The following ASTN2 variants were observed in gnomAD, a reference collection of about 807,000 sequenced individuals.
ASTN2 encodes astrotactin-2.
Under a neutral mutation model 139.8 loss-of-function variants are expected in ASTN2, and 54 were observed. The observed-to-expected ratio is 0.39, with a 90% CI of 0.31 to 0.48. ASTN2 has a LOEUF of 0.48. Among genes scored for constraint, ASTN2 ranks in the 20% least tolerant of loss-of-function variants. The pLI is 0.95. For synonymous variants in ASTN2, 756 were observed against 719.5 expected, an observed-to-expected ratio of 1.05 and a Z score of -0.81; for missense variants, 1,565 against 1,725.1, an observed-to-expected ratio of 0.91 and a Z score of 1.64.
At chr9:117,302,052 A>G (rs1011289476) in intron 1 of ASTN2, among the ~76,000 whole-genome samples, 1 of 138,452 alleles carries the variant, frequency 7.2e-6, no homozygotes, top group Non-Finnish European at 1.6e-5. Flanking sequence ...CACCACTGTC[A>G]AGGCAAGAAG....
chr9:116,928,693 G>C (rs1834822190), intron 10 of ASTN2, among the ~76,000 whole-genome samples: 2 of 151,918 alleles, frequency 1.3e-5, no homozygotes, highest in South Asian at 4.2e-4. Flanking sequence ...TGCTTAGAAA[G>C]GCAAAGACTT....
chr9:116,671,980 G>T (rs551533534), intron 16 of ASTN2, among the ~76,000 whole-genome samples: 2 of 152,014 alleles, frequency 1.3e-5, no homozygotes, highest in Non-Finnish European at 2.9e-5. Flanking sequence ...CTGTGAGAGG[G>T]GAAAAAAAGT....
At chr9:116,727,638 G>A (rs151072592) in intron 15 of ASTN2, among the ~76,000 whole-genome samples, 30 of 152,140 alleles carry the variant, frequency 2.0e-4, no homozygotes, top group African/African-American at 6.0e-4. Context: ...TGTTAATAAC[G>A]AGATGGTTTC....
At chr9:117,234,386 A>G (rs1284386174) in intron 2 of ASTN2, among the ~76,000 whole-genome samples, 2 of 152,150 alleles carry the variant, frequency 1.3e-5, no homozygotes, top group Non-Finnish European at 2.9e-5. Context: ...GCGCCAGCTA[A>G]TCCCTCCTGA....
chr9:116,718,617 A>G (rs1377513360), intron 16 of ASTN2, among the ~76,000 whole-genome samples: 1 of 152,150 alleles, frequency 6.6e-6, no homozygotes. Flanking sequence ...GTCCTCCTTA[A>G]TGTGAGTGGA....
At chr9:116,442,796 T>G (rs1040131305) in intron 20 of ASTN2, among the ~76,000 whole-genome samples, 1 of 152,246 alleles carries the variant, frequency 6.6e-6, no homozygotes, top group African/African-American at 2.4e-5. Context: ...TTAGATTGTG[T>G]ATCTTTCCAC....
At chr9:116,782,307 G>A (rs1830240664) in intron 13 of ASTN2, among the ~76,000 whole-genome samples, 1 of 152,120 alleles carries the variant, frequency 6.6e-6, no homozygotes, top group Admixed American at 6.5e-5. Flanking sequence ...TATTATGACA[G>A]TCCCCAAGTA....
In ASTN2 at chr9:116,432,928, T is replaced by C. The variant is rs1360164290; in HGVS notation, c.3783-6840A>G. On this transcript the variant is annotated intron_variant, in intron 22 of 22. Coordinates refer to ENST00000313400, the MANE Select transcript of ASTN2 (RefSeq NM_001365068.1). ...CTGGGTGACAGAGCAAGACTCCATC[T>C]TGGGGAAGGAAGGAAGGAAGAAAGG... Among the ~76,000 whole-genome samples the C allele has an allele frequency of 3.4e-5, 5 of 149,240 alleles. No homozygotes were observed. The East Asian group carries it at 1.2e-3, about 36-fold the overall frequency.
At chr9:117,070,842 C>G (rs905699482) in intron 5 of ASTN2, among the ~76,000 whole-genome samples, 1 of 151,420 alleles carries the variant, frequency 6.6e-6, no homozygotes, top group African/African-American at 2.4e-5. Context: ...AGCTCTCGAG[C>G]CTTGGTTTTC....
chr9:116,989,691 C>G (rs757160961), intron 7 of ASTN2, among the ~76,000 whole-genome samples: 1 of 149,670 alleles, frequency 6.7e-6, no homozygotes, highest in East Asian at 2.0e-4. Context: ...TCAAGTGATT[C>G]TCCTGTCTCA....
chr9:116,540,879 CTAAA>C (rs1463052418), intron 19 of ASTN2: 1 of 151,694 alleles, frequency 6.6e-6, no homozygotes, highest in African/African-American at 2.4e-5. Context: ...ATGTCCAGCA[CTAAA>C]TAAATGATTA....
chr9:117,370,578 T>G (rs1829964085), intron 1 of ASTN2, among the ~76,000 whole-genome samples: 1 of 152,218 alleles, frequency 6.6e-6, no homozygotes, highest in African/African-American at 2.4e-5. Flanking sequence ...GTAGGTACTA[T>G]TATAGCTCCT....
At chr9:116,533,803 G>C (rs139158917) in intron 19 of ASTN2, among the ~76,000 whole-genome samples, 1,979 of 152,238 alleles carry the variant, frequency 0.013, 38 homozygotes, top group African/African-American at 0.045. Flanking sequence ...GTTCATCAGG[G>C]ATATTGGTCT....
At chr9:117,252,784 A>C (rs2133093744) in intron 2 of ASTN2, among the ~76,000 whole-genome samples, 1 of 152,326 alleles carries the variant, frequency 6.6e-6, no homozygotes, top group Non-Finnish European at 1.5e-5. Context: ...ACCCACGTCA[A>C]GATTTTGCCA....
intron 10 of ASTN2, among the ~76,000 whole-genome samples, chr9:116,880,714 T>C (rs546647936): frequency 6.6e-6 from 1 of 152,220 alleles, no homozygotes; most frequent in Admixed American, 6.5e-5. Context: ...CTGTTCCTTC[T>C]AGGGCAAAAG....
intron 5 of ASTN2, among the ~76,000 whole-genome samples, chr9:117,054,793 G>A (rs1262169115): frequency 2.0e-5 from 3 of 152,164 alleles, no homozygotes; most frequent in African/African-American, 7.2e-5. Context: ...CTTTCTCCTA[G>A]ATCAGTGGTC....
At chr9:117,323,606 G>A (rs1828409727) in intron 1 of ASTN2, among the ~76,000 whole-genome samples, 1 of 152,150 alleles carries the variant, frequency 6.6e-6, no homozygotes, top group African/African-American at 2.4e-5. Context: ...CATTCAAAGA[G>A]GCTGGAGGTG....
chr9:116,732,996 G>T (rs1236144631), intron 14 of ASTN2, among the ~76,000 whole-genome samples: 1 of 152,190 alleles, frequency 6.6e-6, no homozygotes, highest in African/African-American at 2.4e-5. Context: ...GCTCCTGATT[G>T]GAGAGTCCAC....
chr9:117,219,241 T>C (rs1226073464), intron 2 of ASTN2, among the ~76,000 whole-genome samples: 2 of 152,010 alleles, frequency 1.3e-5, no homozygotes, highest in East Asian at 3.9e-4. Context: ...AATTACATAC[T>C]CCCTTCTTTA....
Sources: gnomAD v4.1 joint callset for allele counts (sites outside exome capture counted in the v4.1 genomes callset) on GRCh38, gnomAD v4.1.1 for gene constraint, MANE v1.5 for transcripts, NCBI Gene and HGNC (gene_info 2026-07-23, HGNC 2026-07-21) for gene names.